CNTNAP2: variants seen among roughly 807,000 people sequenced by gnomAD.
CNTNAP2 encodes contactin-associated protein-like 2.
Under a neutral mutation model 155.2 loss-of-function variants are expected in CNTNAP2, and 98 were observed. The observed-to-expected ratio is 0.63, with a 90% confidence interval of 0.54 to 0.75. CNTNAP2 has a LOEUF of 0.75. CNTNAP2 is among the 30% of genes least tolerant of loss of function. The pLI, the probability that CNTNAP2 is intolerant of heterozygous loss-of-function variation, is 0.00. For synonymous variants in CNTNAP2, 651 were observed against 631.2 expected (o/e 1.03, Z -0.47); for missense variants, 1,727 against 1,688.1 (o/e 1.02, Z -0.40).
At chr7:147,663,725 T>C (rs17327575) in intron 13 of CNTNAP2, among the ~76,000 whole-genome samples, 15,961 of 152,306 alleles carry the variant, frequency 0.1, 989 homozygotes, top group Middle Eastern at 0.17. Flanking sequence ...TGTAAATGAA[T>C]GAATTTTTAT....
intron 13 of CNTNAP2, among the ~76,000 whole-genome samples, chr7:147,649,191 A>G (rs1795413048): frequency 6.6e-6 from 1 of 152,106 alleles, no homozygotes; most frequent in Non-Finnish European, 1.5e-5. Flanking sequence ...TGAGACTTTG[A>G]TTTTGTATGT....
At chr7:146,567,287 T>A (rs1226407499) in intron 1 of CNTNAP2, among the ~76,000 whole-genome samples, 2 of 152,178 alleles carry the variant, frequency 1.3e-5, no homozygotes. Flanking sequence ...ATAATAATAA[T>A]ATATGTTGTC....
chr7:147,788,113 G>A (rs1364988218), intron 13 of CNTNAP2, among the ~76,000 whole-genome samples: 2 of 152,116 alleles, frequency 1.3e-5, no homozygotes, highest in African/African-American at 4.8e-5. Context: ...TGCAACAGAG[G>A]TTATTAACTC....
At chr7:146,183,516 G>A (rs1014287798) in intron 1 of CNTNAP2, among the ~76,000 whole-genome samples, 29 of 151,896 alleles carry the variant, frequency 1.9e-4, no homozygotes, top group Middle Eastern at 3.4e-3. Context: ...CCATCCAACT[G>A]TGACTAAAGG....
At chr7:148,360,997 C>T (rs564558559) in intron 21 of CNTNAP2, among the ~76,000 whole-genome samples, 6 of 151,940 alleles carry the variant, frequency 3.9e-5, no homozygotes, top group Admixed American at 1.3e-4. Flanking sequence ...TTAGTAGAGA[C>T]GGGGTTTCAC....
At chr7:146,706,289 A>G (rs550214644) in intron 1 of CNTNAP2, among the ~76,000 whole-genome samples, 60 of 152,288 alleles carry the variant, frequency 3.9e-4, no homozygotes, top group African/African-American at 1.4e-3. Flanking sequence ...CTGAACAGAA[A>G]TGGGTCCCAC....
At chr7:148,330,455 G>C (rs1304381111) in intron 21 of CNTNAP2, among the ~76,000 whole-genome samples, 1 of 137,094 alleles carries the variant, frequency 7.3e-6, no homozygotes, top group Non-Finnish European at 1.6e-5. Context: ...GTGGAGCAGA[G>C]GGATGGAGTG....
chr7:146,849,722 G>T (rs28378268), intron 3 of CNTNAP2, among the ~76,000 whole-genome samples: 5,578 of 152,022 alleles, frequency 0.037, 335 homozygotes, highest in African/African-American at 0.13. Context: ...TCTTCTTATC[G>T]TCCTCTTGTT....
chr7:148,161,917 C>A (rs1442579160), intron 17 of CNTNAP2, among the ~76,000 whole-genome samples: 2 of 152,164 alleles, frequency 1.3e-5, no homozygotes, highest in East Asian at 3.9e-4. Flanking sequence ...TTTTCCTCCA[C>A]CCCTTTGCTT....
In CNTNAP2 at chr7:148,365,744, ATGTATACATGTATGTGTATACG is replaced by A. The variant is rs1563059141; in HGVS notation, c.3476-17885_3476-17864del. 3.9e-3 allele frequency among the ~76,000 whole-genome samples: 288 copies of A among 74,170 alleles called. 86 individuals are homozygous for A. Among genetic ancestry groups the A allele is most frequent in the African/African-American group, 4.5e-3 (84 of 18,834 alleles). The allele number at this position is 74,170 out of a possible 152,430, so 48.7% of individuals were successfully genotyped here. The stretch of plus-strand genomic sequence containing the variant: ...TACGTGTATATATGTATGTGTATAC[ATGTATACATGTATGTGTATACG>A]TGTATACATGTATGTGTATGCATGT... On this transcript the variant is annotated intron_variant, in intron 21 of 23. Transcript: ENST00000361727.
chr7:148,150,937 C>T (rs1169702618), intron 17 of CNTNAP2, among the ~76,000 whole-genome samples: 2 of 151,982 alleles, frequency 1.3e-5, no homozygotes, highest in Non-Finnish European at 2.9e-5. Context: ...CCAGGCTGAT[C>T]TCAAACTCCT....
intron 1 of CNTNAP2, among the ~76,000 whole-genome samples, chr7:146,486,508 T>C (rs567910698): frequency 7.0e-4 from 106 of 152,332 alleles, no homozygotes; most frequent in African/African-American, 2.5e-3. Flanking sequence ...TTCTAGAGTC[T>C]GGAAGAAGGG....
intron 1 of CNTNAP2, among the ~76,000 whole-genome samples, chr7:146,712,104 T>A (rs200236699): frequency 2.4e-5 from 3 of 125,208 alleles, no homozygotes. Context: ...AGTATACATA[T>A]CTTATGTATA....
intron 19 of CNTNAP2, among the ~76,000 whole-genome samples, chr7:148,222,759 G>T (rs1047119332): frequency 2.6e-5 from 4 of 152,166 alleles, no homozygotes; most frequent in Admixed American, 6.5e-5. Flanking sequence ...ACTCAGTGGT[G>T]CCCCACTCCA....
Position 148,014,667 on chromosome 7 carries a change from GA to G in CNTNAP2, c.2383+36679del, listed in dbSNP as rs1343852324. The stretch of plus-strand genomic sequence containing the variant: ...ACCAGCTGCCCCTTGTTGATATAAA[GA>G]GCTCGAAGAATGAACAGTTTTGAAA... On this transcript the variant is annotated intron_variant, in intron 15 of 23. Transcript: ENST00000361727. 2.6e-5 allele frequency among the ~76,000 whole-genome samples: 4 copies of G among 152,204 alleles called. No homozygotes were observed. In the East Asian group the frequency reaches 7.7e-4, roughly 29 times the overall value.
At chr7:146,532,169 C>A (rs1339140442) in intron 1 of CNTNAP2, among the ~76,000 whole-genome samples, 2 of 151,966 alleles carry the variant, frequency 1.3e-5, no homozygotes, top group African/African-American at 2.4e-5. Context: ...ACTTTGATTC[C>A]TTCTTAACAT....
At chr7:147,234,086 C>T (rs1188613815) in intron 8 of CNTNAP2, among the ~76,000 whole-genome samples, 1 of 148,850 alleles carries the variant, frequency 6.7e-6, no homozygotes, top group African/African-American at 2.5e-5. Context: ...CTATTTTATT[C>T]ATTTGATTTT....
intron 10 of CNTNAP2, among the ~76,000 whole-genome samples, chr7:147,449,937 A>G (rs2116566524): frequency 6.6e-6 from 1 of 152,180 alleles, no homozygotes; most frequent in East Asian, 1.9e-4. Flanking sequence ...TGCCTGCTTT[A>G]TTTTCTGTGG....
chr7:148,153,591 G>T (rs182491242), intron 17 of CNTNAP2, among the ~76,000 whole-genome samples: 1 of 152,232 alleles, frequency 6.6e-6, no homozygotes, highest in Non-Finnish European at 1.5e-5. Flanking sequence ...GGCTGTCCGT[G>T]GGCCAGATTT....
Sources: gnomAD v4.1 joint callset for allele counts (sites outside exome capture counted in the v4.1 genomes callset) on GRCh38, gnomAD v4.1.1 for gene constraint, MANE v1.5 for transcripts, NCBI Gene and HGNC (gene_info 2026-07-23, HGNC 2026-07-21) for gene names.